SEPTIN2: variants seen among roughly 807,000 people sequenced by gnomAD.
SEPTIN2 encodes septin 2, also known as septin-2.
Under a neutral mutation model 46.5 loss-of-function variants are expected in SEPTIN2, and 34 were observed. That is an observed-to-expected ratio of 0.73 (90% CI 0.56 to 0.97). The LOEUF is 0.97. SEPTIN2 is among the 50% of genes least tolerant of loss of function. The probability of loss-of-function intolerance (pLI) is 0.00; values close to 1 mark genes in which losing one functional copy is unlikely to be tolerated. For synonymous variants in SEPTIN2, 175 were observed against 153.4 expected (o/e 1.14, Z -1.04); for missense variants, 347 against 448.4 (o/e 0.77, Z 2.04).
At chr2:241,317,535 ATTTTTTT>A in intron 1 of SEPTIN2, 1 of 950,586 alleles carries the variant, frequency 1.1e-6, no homozygotes. Context: ...AGTTGTGGGT[ATTTTTTT>A]TTTTTTTTTT....
chr2:241,338,885 AAT>A (rs1348827619), intron 7 of SEPTIN2, among the ~76,000 whole-genome samples: 4 of 89,912 alleles, frequency 4.4e-5, no homozygotes, highest in South Asian at 2.5e-4. Flanking sequence ...ATATATCTAT[AAT>A]ATATATTATA....
chr2:241,317,579 T>G, intron 1 of SEPTIN2: 1 of 976,284 alleles, frequency 1.0e-6, no homozygotes. Context: ...ACACCAAAAC[T>G]CATTTGGCAG....
Position 241,343,177 on chromosome 2 carries a change from G to A in SEPTIN2, c.696+84G>A, listed in dbSNP as rs2081484009. Reference sequence around the variant, plus strand: ...GAGGTGAGAGAGATTGCCTGGGTATGTTCAGTTACGAGAGTATTTTTGCTT... The same window carrying A: ...GAGGTGAGAGAGATTGCCTGGGTATATTCAGTTACGAGAGTATTTTTGCTT... On this transcript the variant is annotated intron_variant, in intron 8 of 12. Transcript: ENST00000391971. The A allele has an allele frequency of 3.8e-6, 3 of 787,430 alleles. No individual in the cohort carries two copies. The Admixed American group carries it at 6.5e-5, about 17-fold the overall frequency. 48.8% of individuals were successfully genotyped at this position (787,430 alleles called of 1,614,324 possible).
chr2:241,321,930 C>T (rs538640105), intron 1 of SEPTIN2, among the ~76,000 whole-genome samples: 1 of 152,134 alleles, frequency 6.6e-6, no homozygotes, highest in African/African-American at 2.4e-5. Flanking sequence ...TTCTCTTTCC[C>T]TTTAGGAAGT....
chr2:241,324,577 G>A, intron 2 of SEPTIN2: 2 of 387,960 alleles, frequency 5.2e-6, no homozygotes, highest in Non-Finnish European at 1.0e-5. Flanking sequence ...AGTAAATTCG[G>A]GGTTTCACCG....
chr2:241,338,624 A>G lies in SEPTIN2; in HGVS notation c.594+834A>G, dbSNP rs916111237. ...ATATATTTTATATATATAATATATA[A>G]TTAATAAATATATATAATATATATT... is the stretch of plus-strand genomic sequence containing the variant. On this transcript the variant is annotated intron_variant, in intron 7 of 12. Transcript: ENST00000391971. Among the ~76,000 whole-genome samples the G allele has an allele frequency of 9.1e-5, 12 of 131,424 alleles. No individual in the cohort carries two copies. The East Asian group carries it at 2.4e-3, about 27-fold the overall frequency. The allele number at this position is 131,424 out of a possible 152,430, so 86.2% of individuals were successfully genotyped here.
Position 241,349,921 on chromosome 2 carries a change from T to G in SEPTIN2, c.985-152T>G, listed in dbSNP as rs1290509624. 7 of 668,752 alleles carry G rather than the reference T, an allele frequency of 1.0e-5. No individual in the cohort carries two copies. The East Asian group carries it at 2.0e-4, about 19-fold the overall frequency. 41.4% of individuals were successfully genotyped at this position (668,752 alleles called of 1,614,324 possible). ...TGATTTTCTCTTTAGCTGTTGCTTT[T>G]TTTATTGATTGGTAAAAAGTCTTTA... On this transcript the variant is annotated intron_variant, in intron 11 of 12. Transcript: ENST00000391971.
At chr2:241,348,108 T>C (rs1300418729) in intron 10 of SEPTIN2, 26 bp from the exon 11 acceptor site, 4 of 1,594,306 alleles carry the variant, frequency 2.5e-6, no homozygotes, top group South Asian at 2.2e-5. Context: ...TGCAGTGTTA[T>C]GATTCTGATT....
Position 241,325,976 on chromosome 2 carries a change from T to C in SEPTIN2, c.10-17T>C, listed in dbSNP as rs1280380798. 1.2e-6 allele frequency: 2 copies of C among 1,607,786 alleles called. No individual in the cohort carries two copies. The highest frequency in any genetic ancestry group is 8.5e-7 in the Non-Finnish European group (1 of 1,177,412). On this transcript the variant is annotated splice_polypyrimidine_tract_variant and intron_variant, in intron 2 of 12. Coordinates refer to ENST00000391971, the MANE Select transcript of SEPTIN2 (RefSeq NM_004404.5). Reference sequence around the variant, plus strand: ...CTAAGGTGTTTATTAGTTTGTTTGTTTTTTAATCTTATTTAGCAACAGCCA... The same window carrying C: ...CTAAGGTGTTTATTAGTTTGTTTGTCTTTTAATCTTATTTAGCAACAGCCA...
In SEPTIN2 at chr2:241,316,760, AAC is replaced by A. The variant is rs529788053; in HGVS notation, c.-18+783_-18+784del. The A allele has an allele frequency of 1.8e-3, 776 of 422,270 alleles. 2 individuals carry two copies. Among genetic ancestry groups the A allele is most frequent in the Middle Eastern group, 3.0e-3 (5 of 1,642 alleles). The allele number at this position is 422,270 out of a possible 1,614,324, so 26.2% of individuals were successfully genotyped here. ...CCAGACCTTGTCCTCTCTCCACGGAAACACACGAACCAACTACACTGAACTTC... is the reference window on the plus strand; with the variant it reads ...CCAGACCTTGTCCTCTCTCCACGGAAACACGAACCAACTACACTGAACTTC... On this transcript the variant is annotated intron_variant, in intron 1 of 12. Coordinates refer to ENST00000391971, the MANE Select transcript of SEPTIN2 (RefSeq NM_004404.5).
intron 7 of SEPTIN2, among the ~76,000 whole-genome samples, chr2:241,340,804 AC>A (rs1424371785): frequency 6.6e-6 from 1 of 152,064 alleles, no homozygotes; most frequent in African/African-American, 2.4e-5. Context: ...CTTGATGCCT[AC>A]CAGTTTGTTC....
chr2:241,324,347 T>TA (rs2077593854), intron 2 of SEPTIN2, 106 bp downstream of exon 2: 2 of 888,774 alleles, frequency 2.3e-6, no homozygotes, highest in East Asian at 2.5e-5. Flanking sequence ...ATACAACTGA[T>TA]ACATTTGATT....
chr2:241,333,130 A>G (rs2079288481), intron 3 of SEPTIN2, among the ~76,000 whole-genome samples: 1 of 152,228 alleles, frequency 6.6e-6, no homozygotes, highest in African/African-American at 2.4e-5. Flanking sequence ...GCTTTAAAAT[A>G]AAACAGGTAG....
rs1191178882 is a variant in SEPTIN2 at position 241,315,975 on chromosome 2, T to A, written c.-25T>A. 6.6e-6 allele frequency: 1 copy of A among 152,240 alleles called. No individual in the cohort carries two copies. The highest frequency in any genetic ancestry group is 1.5e-5 in the Non-Finnish European group (1 of 68,158). The allele number at this position is 152,240 out of a possible 1,614,324, so 9.4% of individuals were successfully genotyped here. A position where few individuals can be genotyped will look rare whatever the true frequency, so the allele number is the denominator to read the frequency against. On this transcript the variant is annotated 5_prime_UTR_variant, in exon 1 of 13. Coordinates refer to ENST00000391971, the MANE Select transcript of SEPTIN2 (RefSeq NM_004404.5). ...TCGGTCGGCGCCTGTTCTCGGGCTG[T>A]TTGGCGGGTGAGTGTCTCGCCGGTG... is the stretch of plus-strand genomic sequence containing the variant.
chr2:241,335,887 G>A, intron 4 of SEPTIN2, 88 bp from the exon 5 acceptor site: 1 of 1,549,422 alleles, frequency 6.5e-7, no homozygotes, highest in Non-Finnish European at 8.9e-7. Context: ...TAGAGAGGCA[G>A]TAGACTCTGA....
Position 241,350,082 on chromosome 2 carries a change from A to G in SEPTIN2, c.994A>G (p.Met332Val), listed in dbSNP as rs1330584112. Residue 332 changes from methionine to valine, a missense_variant, in exon 12 of 13, where the codon ATG becomes GTG. Met to Val is a conservative substitution (Grantham distance 21). Coordinates refer to ENST00000391971, the MANE Select transcript of SEPTIN2 (RefSeq NM_004404.5). ...LLEKEAELRRMQEMIARMQAQ... is the reference protein window; with the variant it reads ...LLEKEAELRRVQEMIARMQAQ... ...GTGTGTGTGTTCACAGCTCCGCCGC[A>G]TGCAAGAGATGATTGCAAGGATGCA... 1.2e-6 allele frequency: 2 copies of G among 1,613,972 alleles called. No individual in the cohort carries two copies. Among genetic ancestry groups the G allele is most frequent in the Non-Finnish European group, 1.7e-6 (2 of 1,179,944 alleles).
chr2:241,336,353 G>T (rs1377341942), intron 5 of SEPTIN2: 2 of 432,848 alleles, frequency 4.6e-6, no homozygotes, highest in Non-Finnish European at 8.3e-6. Flanking sequence ...GAAACACCTG[G>T]ATTTGAGCCG....
intron 4 of SEPTIN2, chr2:241,335,630 T>C (rs1361556868): frequency 5.2e-6 from 3 of 578,512 alleles, no homozygotes; most frequent in Non-Finnish European, 9.2e-6. Context: ...TAGGCACACA[T>C]AGTGAGAGCC....
At chr2:241,323,825 AAAG>A (rs2077511361) in intron 1 of SEPTIN2, among the ~76,000 whole-genome samples, 1 of 152,212 alleles carries the variant, frequency 6.6e-6, no homozygotes, top group African/African-American at 2.4e-5. Flanking sequence ...AGGCTCATTT[AAAG>A]ATACAAATTT....
Sources: allele counts gnomAD v4.1 joint callset (sites outside exome capture counted in the v4.1 genomes callset), GRCh38; gene constraint gnomAD v4.1.1; transcripts MANE v1.5; gene names NCBI Gene and HGNC (gene_info 2026-07-23, HGNC 2026-07-21).